Variants in CFAP52 observed in about 807,000 individuals in gnomAD.
The protein encoded by CFAP52 is cilia and flagella associated protein 52, also known as cilia- and flagella-associated protein 52.
In CFAP52, 57 loss-of-function variants were observed where a neutral mutation model predicts 70.5. The ratio of observed to expected loss-of-function variants is 0.81; its 90% CI spans 0.65 to 1.01. CFAP52 has a LOEUF of 1.01. Ranked by LOEUF, CFAP52 falls within the 50% of genes least tolerant of loss-of-function variation. The pLI is 0.00. For missense variants in CFAP52, 785 were observed against 788.5 expected (o/e 1.00, Z 0.05); for synonymous variants, 267 against 292.5 (o/e 0.91, Z 0.89).
At position 9,643,278 on chromosome 17, in the gene CFAP52, T is replaced by G. The variant is rs1911172965; in HGVS notation, c.*80T>G. 8.1e-7 allele frequency: 1 copy of G among 1,238,298 alleles called. No homozygotes were observed. Among genetic ancestry groups the G allele is most frequent in the Non-Finnish European group, 1.1e-6 (1 of 946,126 alleles). 76.7% of individuals were successfully genotyped at this position (1,238,298 alleles called of 1,614,324 possible). On this transcript the variant is annotated 3_prime_UTR_variant, in exon 14 of 14. Coordinates refer to ENST00000352665, the MANE Select transcript of CFAP52 (RefSeq NM_145054.5). ...AGTTTAGATAACTCCAACACTAGTC[T>G]TCATTTCTCACAGCTCTGTTTTTGT...
intron 12 of CFAP52, among the ~76,000 whole-genome samples, chr17:9,641,161 C>T (rs1911038917): frequency 6.6e-6 from 1 of 152,192 alleles, no homozygotes; most frequent in African/African-American, 2.4e-5. Flanking sequence ...GGTAGTTCTG[C>T]TCCCCAACAG....
chr17:9,625,204 A>T (rs1052715148), intron 8 of CFAP52, among the ~76,000 whole-genome samples: 4 of 136,238 alleles, frequency 2.9e-5, no homozygotes, highest in African/African-American at 5.6e-5. Context: ...AAAATCAATT[A>T]AAAAAAAAAC....
At chr17:9,585,422 A>C (rs1289721545) in intron 1 of CFAP52, among the ~76,000 whole-genome samples, 2 of 152,152 alleles carry the variant, frequency 1.3e-5, no homozygotes, top group Non-Finnish European at 2.9e-5. Context: ...TAATCCCAGC[A>C]CTTTGGGAGG....
chr17:9,599,453 A>G (rs1395512776), intron 5 of CFAP52, among the ~76,000 whole-genome samples: 2 of 152,182 alleles, frequency 1.3e-5, no homozygotes, highest in African/African-American at 2.4e-5. Flanking sequence ...AGCCCTTAAG[A>G]GATGTCTCAA....
rs746203400 is a variant in CFAP52 at position 9,635,381 on chromosome 17, G to A, written c.1321-24G>A. 4.3e-6 allele frequency: 7 copies of A among 1,613,404 alleles called. No individual in the cohort carries two copies. The South Asian group carries it at 7.7e-5, about 18-fold the overall frequency. The stretch of plus-strand genomic sequence containing the variant: ...TTCAGAAGTCCCAAGTGTGGATCAA[G>A]ATCCTGTGCTCTGTGGCTTTCAGGT... On this transcript the variant is annotated intron_variant, in intron 10 of 13. Transcript: ENST00000352665.
chr17:9,612,629 C>A, intron 8 of CFAP52, 150 bp downstream of exon 8: 1 of 919,542 alleles, frequency 1.1e-6, no homozygotes, highest in South Asian at 2.0e-5. Flanking sequence ...AAGAGACTTT[C>A]CATTGTCTTT....
In CFAP52 at chr17:9,613,494, T is replaced by G. The variant is rs150857037; in HGVS notation, c.1025+1015T>G. 3.8e-3 allele frequency among the ~76,000 whole-genome samples: 577 copies of G among 151,026 alleles called. 1 individual carries two copies. Among genetic ancestry groups the G allele is most frequent in the African/African-American group, 0.013 (534 of 40,848 alleles). On this transcript the variant is annotated intron_variant, in intron 8 of 13. Transcript: ENST00000352665. ...TTTGTTTTGTTTTGTTTTTTGTTTT[T>G]GGGGGGTTTTTGTTTGTTTGTTTGT...
chr17:9,576,842 A>T, intron 1 of CFAP52, 77 bp downstream of exon 1: 1 of 1,442,286 alleles, frequency 6.9e-7, no homozygotes, highest in Non-Finnish European at 9.4e-7. Flanking sequence ...ATAGTGAGAC[A>T]CCGGGGACAC....
At chr17:9,594,424 G>A in intron 4 of CFAP52, 103 bp downstream of exon 4, 3 of 1,391,764 alleles carry the variant, frequency 2.2e-6, no homozygotes, top group South Asian at 3.0e-5. Flanking sequence ...TTTAGTCCTG[G>A]ATAAATACCT....
intron 6 of CFAP52, among the ~76,000 whole-genome samples, chr17:9,601,612 T>C (rs1308380555): frequency 2.0e-5 from 3 of 152,186 alleles, no homozygotes; most frequent in African/African-American, 7.2e-5. Context: ...TCAGCTGACA[T>C]TATAAGTCGT....
chr17:9,604,153 T>C (rs1597779594), intron 6 of CFAP52, among the ~76,000 whole-genome samples: 1 of 152,084 alleles, frequency 6.6e-6, no homozygotes, highest in African/African-American at 2.4e-5. Context: ...AAAAATTAAC[T>C]CAAAATGGAT....
At chr17:9,594,468 A>G (rs190461240) in intron 4 of CFAP52, 147 bp downstream of exon 4, 9 of 991,710 alleles carry the variant, frequency 9.1e-6, no homozygotes, top group African/African-American at 5.0e-5. Flanking sequence ...GTACTCATTA[A>G]AAGTTCTCTT....
At chr17:9,645,369 C>G, downstream of CFAP52, 1 of 253,952 alleles carries the variant, frequency 3.9e-6, no homozygotes, top group Non-Finnish European at 7.4e-6. The surrounding 1 kb of genome is among the most constrained non-coding windows in gnomAD (Gnocchi z 6.8). Context: ...AATCCGACCA[C>G]GAAGACTCCC....
chr17:9,642,634 T>TA (rs1911125224), intron 13 of CFAP52, among the ~76,000 whole-genome samples: 1 of 152,008 alleles, frequency 6.6e-6, no homozygotes, highest in Non-Finnish European at 1.5e-5. Context: ...AATAAATAAG[T>TA]AAAAAATAAA....
intron 8 of CFAP52, among the ~76,000 whole-genome samples, chr17:9,625,868 G>A (rs1483525990): frequency 1.3e-5 from 2 of 152,156 alleles, no homozygotes; most frequent in Admixed American, 6.6e-5. Flanking sequence ...TGTACTCTCT[G>A]CTTATACTTT....
At chr17:9,640,930 C>T (rs149196269) in intron 12 of CFAP52, among the ~76,000 whole-genome samples, 2,294 of 152,250 alleles carry the variant, frequency 0.015, 39 homozygotes, top group African/African-American at 0.044. Context: ...AGGTGTGAGC[C>T]GCTGCACCCA....
At chr17:9,616,134 G>T (rs1909902958) in intron 8 of CFAP52, among the ~76,000 whole-genome samples, 1 of 149,724 alleles carries the variant, frequency 6.7e-6, no homozygotes, top group Non-Finnish European at 1.5e-5. Flanking sequence ...GCAGGCCAGT[G>T]TGTGCGCGCA....
At chr17:9,579,047 G>A (rs908214523) in intron 1 of CFAP52, among the ~76,000 whole-genome samples, 2 of 152,116 alleles carry the variant, frequency 1.3e-5, no homozygotes, top group African/African-American at 4.8e-5. Flanking sequence ...GTGTTTTGGG[G>A]GTCCCTTTGT....
At chr17:9,582,901 T>A (rs1356560811) in intron 1 of CFAP52, among the ~76,000 whole-genome samples, 1 of 152,260 alleles carries the variant, frequency 6.6e-6, no homozygotes, top group Non-Finnish European at 1.5e-5. Flanking sequence ...CCTCCCAAAG[T>A]GCTGGGATTA....
Sources: gnomAD v4.1 joint callset for allele counts (sites outside exome capture counted in the v4.1 genomes callset) on GRCh38, gnomAD v4.1.1 for gene constraint, Gnocchi (gnomAD v3.1) non-coding constraint, MANE v1.5 for transcripts, NCBI Gene and HGNC (gene_info 2026-07-23, HGNC 2026-07-21) for gene names.